DLG2: variants seen among roughly 807,000 people sequenced by gnomAD.
DLG2 encodes discs large MAGUK scaffold protein 2.
In DLG2, 45 loss-of-function variants were observed where a neutral mutation model predicts 132.5. The observed-to-expected ratio is 0.34, with a 90% confidence interval of 0.27 to 0.44. The LOEUF is 0.44. DLG2 is among the 20% of genes least tolerant of loss of function. The pLI, the probability that DLG2 is intolerant of heterozygous loss-of-function variation, is 1.00. For synonymous variants in DLG2, 424 were observed against 419.6 expected (o/e 1.01, Z -0.13); for missense variants, 1,045 against 1,196.9 (o/e 0.87, Z 1.87).
intron 7 of DLG2, among the ~76,000 whole-genome samples, chr11:84,471,499 C>T (rs1162472674): frequency 1.3e-5 from 2 of 151,666 alleles, no homozygotes; most frequent in African/African-American, 4.8e-5. Flanking sequence ...TGGCTGAAAT[C>T]TGACAGCCTT....
chr11:83,901,545 C>G (rs910862105), intron 15 of DLG2, among the ~76,000 whole-genome samples: 1 of 152,164 alleles, frequency 6.6e-6, no homozygotes, highest in Admixed American at 6.5e-5. Context: ...GCTCTCTCTT[C>G]TCTTGTCTGG....
intron 2 of DLG2, among the ~76,000 whole-genome samples, chr11:85,623,897 C>T (rs1179608406): frequency 6.6e-6 from 1 of 152,174 alleles, no homozygotes; most frequent in African/African-American, 2.4e-5. Flanking sequence ...CCTTATAACA[C>T]ACTATGGTCT....
At chr11:84,796,350 T>C (rs1055669941) in intron 6 of DLG2, among the ~76,000 whole-genome samples, 15 of 152,266 alleles carry the variant, frequency 9.9e-5, no homozygotes, top group Non-Finnish European at 1.9e-4. Flanking sequence ...CTGTATTGTC[T>C]ATGTCTTGAA....
chr11:85,612,462 T>C (rs534428700), intron 2 of DLG2, among the ~76,000 whole-genome samples: 39 of 152,336 alleles, frequency 2.6e-4, no homozygotes, highest in African/African-American at 8.2e-4. Context: ...TGCCTAATAA[T>C]TGGTCTGCTC....
intron 7 of DLG2, among the ~76,000 whole-genome samples, chr11:84,356,619 A>C (rs1297472888): frequency 6.6e-6 from 1 of 152,114 alleles, no homozygotes; most frequent in African/African-American, 2.4e-5. Flanking sequence ...AAATGAGTTA[A>C]AATATATAAA....
chr11:84,954,996 C>G (rs143846420), intron 6 of DLG2, among the ~76,000 whole-genome samples: 1 of 152,086 alleles, frequency 6.6e-6, no homozygotes, highest in Non-Finnish European at 1.5e-5. Context: ...TCACAATTAC[C>G]CTACTCTACC....
At chr11:84,472,317 C>T (rs1461985197) in intron 7 of DLG2, among the ~76,000 whole-genome samples, 1 of 151,798 alleles carries the variant, frequency 6.6e-6, no homozygotes, top group Non-Finnish European at 1.5e-5. Context: ...AGTCAAAATG[C>T]TTTTCAAGTT....
intron 6 of DLG2, among the ~76,000 whole-genome samples, chr11:84,665,597 G>C (rs541757362): frequency 4.1e-4 from 63 of 152,184 alleles, no homozygotes; most frequent in African/African-American, 1.4e-3. Context: ...ATTTCTGTGA[G>C]TCTAATTGCT....
At chr11:84,885,051 G>A (rs1314567630) in intron 6 of DLG2, among the ~76,000 whole-genome samples, 3 of 152,032 alleles carry the variant, frequency 2.0e-5, no homozygotes, top group African/African-American at 7.2e-5. Context: ...ATGTCGCAAT[G>A]CCTGCATCAC....
chr11:84,690,514 A>T lies in DLG2; in HGVS notation c.358-155783T>A, dbSNP rs569759096. 5.7e-4 allele frequency among the ~76,000 whole-genome samples: 87 copies of T among 151,986 alleles called. 3 individuals are homozygous for T. Among genetic ancestry groups the T allele is most frequent in the African/African-American group, 1.8e-3 (75 of 41,524 alleles). On this transcript the variant is annotated intron_variant, in intron 6 of 27. Transcript: ENST00000376104. ...CCCTCCATCCCTTATCCCTTCTCTC[A>T]TTGAAAACAATGTAGAGCGTGGGAA...
chr11:83,521,297 G>A (rs1565620965), intron 21 of DLG2, among the ~76,000 whole-genome samples: 1 of 152,208 alleles, frequency 6.6e-6, no homozygotes, highest in Non-Finnish European at 1.5e-5. Flanking sequence ...AAGAATTTTA[G>A]TCCTGGGGGA....
intron 15 of DLG2, among the ~76,000 whole-genome samples, chr11:83,923,090 A>T (rs1050689260): frequency 1.3e-5 from 2 of 152,130 alleles, no homozygotes; most frequent in African/African-American, 4.8e-5. Context: ...GGCTGCTAAG[A>T]ATGATAGAAG....
At chr11:84,650,863 G>GTATATATATATATATATATATA (rs1417830252) in intron 6 of DLG2, among the ~76,000 whole-genome samples, 1 of 92,236 alleles carries the variant, frequency 1.1e-5, no homozygotes, top group Non-Finnish European at 2.3e-5. Context: ...GTGTGTGTGT[G>GTATATATATATATATATATATA]TGTGTGTGTG....
intron 6 of DLG2, among the ~76,000 whole-genome samples, chr11:85,059,659 C>G (rs940522125): frequency 1.2e-4 from 18 of 151,334 alleles, no homozygotes; most frequent in African/African-American, 4.4e-4. Context: ...GTGAAATAAG[C>G]AAGGGGAAAA....
intron 4 of DLG2, among the ~76,000 whole-genome samples, chr11:85,233,996 G>A (rs558996360): frequency 6.6e-6 from 1 of 151,930 alleles, no homozygotes; most frequent in South Asian, 2.1e-4. Context: ...GGATTGCAAA[G>A]TTTTCATTCT....
At chr11:84,545,751 C>CTT (rs35596423) in intron 6 of DLG2, 2,236 of 106,606 alleles carry the variant, frequency 0.021, 45 homozygotes, top group Non-Finnish European at 0.031. Context: ...AGGTGATGTT[C>CTT]TTTTTTTTTT....
intron 4 of DLG2, among the ~76,000 whole-genome samples, chr11:85,244,331 G>C (rs913816085): frequency 6.6e-6 from 1 of 151,868 alleles, no homozygotes; most frequent in Admixed American, 6.6e-5. Flanking sequence ...TTTATGCGAG[G>C]AAAGGAAAAG....
intron 7 of DLG2, among the ~76,000 whole-genome samples, chr11:84,512,337 T>A (rs562935537): frequency 7.3e-4 from 111 of 152,230 alleles, no homozygotes; most frequent in Middle Eastern, 3.4e-3. Context: ...TCTAGGAACA[T>A]AGAGAGCACT....
intron 3 of DLG2, among the ~76,000 whole-genome samples, chr11:85,500,102 C>G (rs549823517): frequency 6.6e-6 from 1 of 152,202 alleles, no homozygotes; most frequent in African/African-American, 2.4e-5. Context: ...CCAGGGCAAT[C>G]AGGCAGGTGA....
Sources: gnomAD v4.1 joint callset for allele counts (sites outside exome capture counted in the v4.1 genomes callset) on GRCh38, gnomAD v4.1.1 for gene constraint, MANE v1.5 for transcripts, NCBI Gene and HGNC (gene_info 2026-07-23, HGNC 2026-07-21) for gene names.